The following TANC1 variants were observed in gnomAD, a reference collection of about 807,000 sequenced individuals.
The protein encoded by TANC1 is protein TANC1.
A neutral mutation model predicts 149.7 loss-of-function variants in TANC1; 77 were observed. The ratio of observed to expected loss-of-function variants is 0.51; its 90% CI spans 0.43 to 0.62. TANC1 has a LOEUF of 0.62. Ranked by LOEUF, TANC1 falls within the 20% of genes least tolerant of loss-of-function variation. TANC1 has a pLI of 0.00. For missense variants in TANC1, 1,985 were observed against 2,321.8 expected (o/e 0.85, Z 2.98); for synonymous variants, 854 against 925.0 (o/e 0.92, Z 1.39).
At chr2:159,184,374 TG>T (rs2056780084) in intron 14 of TANC1, among the ~76,000 whole-genome samples, 1 of 152,042 alleles carries the variant, frequency 6.6e-6, no homozygotes, top group Admixed American at 6.6e-5. Flanking sequence ...AGCAGTGGCA[TG>T]GGGAGTTGTC....
intron 1 of TANC1, among the ~76,000 whole-genome samples, chr2:158,971,323 C>G (rs761065438): frequency 4.6e-5 from 7 of 152,158 alleles, no homozygotes; most frequent in Non-Finnish European, 1.0e-4. Flanking sequence ...TTAGACATTT[C>G]TAACCTAATT....
chr2:159,218,904 T>G (rs2059513650), intron 20 of TANC1, among the ~76,000 whole-genome samples: 1 of 152,186 alleles, frequency 6.6e-6, no homozygotes, highest in Non-Finnish European at 1.5e-5. Flanking sequence ...CCCTCTTAGT[T>G]ATGCTTCATT....
chr2:159,053,834 C>T (rs1046757330), intron 2 of TANC1, among the ~76,000 whole-genome samples: 24 of 152,204 alleles, frequency 1.6e-4, no homozygotes, highest in Non-Finnish European at 1.9e-4. Context: ...GGGTTCTCCC[C>T]CTGTGGGCTA....
At chr2:159,072,364 T>C (rs1478670192) in intron 3 of TANC1, among the ~76,000 whole-genome samples, 2 of 152,198 alleles carry the variant, frequency 1.3e-5, no homozygotes, top group East Asian at 3.9e-4. Context: ...TTGTCCCTCA[T>C]GTATGTCACA....
chr2:159,038,847 G>A (rs1406936500), intron 2 of TANC1, among the ~76,000 whole-genome samples: 2 of 152,140 alleles, frequency 1.3e-5, no homozygotes, highest in East Asian at 3.8e-4. Context: ...TTGGTATCAG[G>A]ATGATGCTGG....
chr2:159,224,208 C>T, intron 22 of TANC1, 24 bp from the exon 23 acceptor site: 1 of 1,613,748 alleles, frequency 6.2e-7, no homozygotes, highest in Non-Finnish European at 8.5e-7. Context: ...CCAGCTGCTG[C>T]TTAGGCTTCT....
At chr2:159,068,439 A>C (rs2149707767) in intron 3 of TANC1, among the ~76,000 whole-genome samples, 1 of 152,320 alleles carries the variant, frequency 6.6e-6, no homozygotes, top group South Asian at 2.1e-4. Flanking sequence ...GACATGTCTA[A>C]AAACTTGAGT....
intron 24 of TANC1, chr2:159,227,119 A>G (rs994466365): frequency 3.9e-5 from 6 of 151,920 alleles, no homozygotes; most frequent in African/African-American, 1.5e-4. Context: ...GCAATATAGC[A>G]TGACCCAGCA....
intron 16 of TANC1, among the ~76,000 whole-genome samples, chr2:159,189,955 C>A (rs2057315321): frequency 6.6e-6 from 1 of 152,222 alleles, no homozygotes; most frequent in Non-Finnish European, 1.5e-5. Flanking sequence ...ATTACACCGA[C>A]AAAGGAAAAT....
intron 2 of TANC1, among the ~76,000 whole-genome samples, chr2:159,015,598 T>G (rs1329680293): frequency 6.6e-6 from 1 of 152,194 alleles, no homozygotes; most frequent in Non-Finnish European, 1.5e-5. Flanking sequence ...GTTGCAAATT[T>G]TCTGAACTTA....
intron 4 of TANC1, among the ~76,000 whole-genome samples, chr2:159,111,252 G>T (rs933247649): frequency 6.6e-6 from 1 of 152,232 alleles, no homozygotes; most frequent in African/African-American, 2.4e-5. Context: ...GAAGCTGATG[G>T]AGAGTATAAA....
chr2:159,217,365 G>T, intron 19 of TANC1, 132 bp from the exon 20 acceptor site: 3 of 1,143,306 alleles, frequency 2.6e-6, no homozygotes, highest in Non-Finnish European at 3.8e-6. Context: ...CTGTCACAGA[G>T]CCCCCGCAGG....
At position 159,115,373 on chromosome 2, in the gene TANC1, G is replaced by A. The variant is rs2048142936; in HGVS notation, c.259+17539G>A. ...GAGACTGGGACTCCTTGAGTCAAAT[G>A]CAGTATAGTGGCTTAACTCTGCAGG... On this transcript the variant is annotated intron_variant, in intron 4 of 26. Coordinates refer to ENST00000263635, the MANE Select transcript of TANC1 (RefSeq NM_033394.3). 3.3e-5 allele frequency among the ~76,000 whole-genome samples: 5 copies of A among 152,156 alleles called. No homozygotes were observed. In the South Asian group the frequency reaches 1.0e-3, roughly 32 times the overall value.
At chr2:159,096,020 T>A (rs1478753117) in intron 3 of TANC1, among the ~76,000 whole-genome samples, 1 of 152,144 alleles carries the variant, frequency 6.6e-6, no homozygotes, top group African/African-American at 2.4e-5. Context: ...TTTTTTGGTT[T>A]GTTTTTGGAG....
rs1234600234 is a variant in TANC1 at position 159,104,162 on chromosome 2, T to C, written c.259+6328T>C. Among the ~76,000 whole-genome samples, 3 of 96,166 alleles carry C rather than the reference T, an allele frequency of 3.1e-5. 1 individual carries two copies. The highest frequency in any genetic ancestry group is 8.7e-5 in the Non-Finnish European group (3 of 34,384). The allele number at this position is 96,166 out of a possible 152,430, so 63.1% of individuals were successfully genotyped here. ...CATTCTTTGTTTCCTCCTGGAAACT[T>C]GTTATATGATGGCCTCCTTACTGCG... On this transcript the variant is annotated intron_variant, in intron 4 of 26. Transcript: ENST00000263635.
In TANC1 at chr2:159,224,195, T is replaced by G. The variant is rs773205799; in HGVS notation, c.3679-37T>G. ...ATCCGTGTGCGCCCCTGAACTCCTG[T>G]TCCCAGCTGCTGCTTAGGCTTCTGC... is the stretch of plus-strand genomic sequence containing the variant. On this transcript the variant is annotated intron_variant, in intron 22 of 26. Coordinates refer to ENST00000263635, the MANE Select transcript of TANC1 (RefSeq NM_033394.3). The G allele has an allele frequency of 1.2e-5, 19 of 1,612,812 alleles. 1 individual carries two copies. The South Asian group carries it at 2.1e-4, about 18-fold the overall frequency.
intron 4 of TANC1, among the ~76,000 whole-genome samples, chr2:159,111,099 A>G (rs1488985898): frequency 6.6e-6 from 1 of 152,266 alleles, no homozygotes; most frequent in Non-Finnish European, 1.5e-5. Context: ...TGATGTGAGT[A>G]TAAAGGTCTA....
intron 4 of TANC1, among the ~76,000 whole-genome samples, chr2:159,135,721 G>A (rs539234330): frequency 1.4e-4 from 21 of 152,306 alleles, no homozygotes; most frequent in South Asian, 6.2e-4. Flanking sequence ...GTTACAGGCC[G>A]GCTGTTTGTA....
chr2:159,044,540 T>TA (rs2040894468), intron 2 of TANC1, among the ~76,000 whole-genome samples: 1 of 152,086 alleles, frequency 6.6e-6, no homozygotes, highest in African/African-American at 2.4e-5. Flanking sequence ...GCCTAGCATC[T>TA]AGTAGGACTC....
Sources: gnomAD v4.1 joint callset for allele counts (sites outside exome capture counted in the v4.1 genomes callset) on GRCh38, gnomAD v4.1.1 for gene constraint, MANE v1.5 for transcripts, NCBI Gene and HGNC (gene_info 2026-07-23, HGNC 2026-07-21) for gene names.